FRMPD2: variants seen among roughly 807,000 people sequenced by gnomAD.
The protein encoded by FRMPD2 is FERM and PDZ domain-containing protein 2.
A neutral mutation model predicts 140.1 loss-of-function variants in FRMPD2; 96 were observed. That is an observed-to-expected ratio of 0.69 (90% CI 0.58 to 0.81). The LOEUF is 0.81. Ranked by LOEUF, FRMPD2 falls within the 40% of genes least tolerant of loss-of-function variation. The pLI is 0.00. For synonymous variants in FRMPD2, 449 were observed against 547.6 expected (o/e 0.82, Z 2.52); for missense variants, 1,240 against 1,447.4 (o/e 0.86, Z 2.32).
intron 9 of FRMPD2, among the ~76,000 whole-genome samples, chr10:48,236,028 T>C (rs549943830): frequency 4.6e-5 from 7 of 151,804 alleles, no homozygotes; most frequent in Non-Finnish European, 1.0e-4. Context: ...CCATGCTCCA[T>C]CCTCCTCCCT....
At chr10:48,222,236 C>G (rs1839612614) in intron 12 of FRMPD2, 77 bp downstream of exon 12, 1 of 1,469,914 alleles carries the variant, frequency 6.8e-7, no homozygotes, top group Non-Finnish European at 9.2e-7. Flanking sequence ...AGAGTCTCCA[C>G]ATTACTAACA....
intron 8 of FRMPD2, among the ~76,000 whole-genome samples, chr10:48,237,496 A>G (rs1352809814): frequency 6.6e-6 from 1 of 152,166 alleles, no homozygotes; most frequent in African/African-American, 2.4e-5. Context: ...AGCTCAGTCA[A>G]GGGACCTTAA....
chr10:48,272,678 G>C (rs1840790772), intron 1 of FRMPD2, among the ~76,000 whole-genome samples: 1 of 152,272 alleles, frequency 6.6e-6, no homozygotes, highest in African/African-American at 2.4e-5. Context: ...CATTCCCTAA[G>C]AAAACTAAGA....
intron 10 of FRMPD2, among the ~76,000 whole-genome samples, chr10:48,224,966 T>C (rs1448025977): frequency 6.6e-6 from 1 of 152,236 alleles, no homozygotes; most frequent in Non-Finnish European, 1.5e-5. Context: ...GAGAGATCTT[T>C]AGAAGGTCTG....
chr10:48,168,101 C>T (rs1347649493), intron 27 of FRMPD2, among the ~76,000 whole-genome samples: 15 of 146,038 alleles, frequency 1.0e-4, no homozygotes, highest in African/African-American at 4.2e-4. Context: ...TCTATCTGTT[C>T]TATTTCTCTG....
In FRMPD2 at chr10:48,185,428, A is replaced by G. The variant is rs1838658438; in HGVS notation, c.2359+125T>C. 2.2e-5 allele frequency: 15 copies of G among 687,346 alleles called. No individual in the cohort carries two copies. In the South Asian group the frequency reaches 2.5e-4, roughly 11 times the overall value. 42.6% of individuals were successfully genotyped at this position (687,346 alleles called of 1,614,324 possible). ...GAAAAAAAACAGAAGTGATTACCAG[A>G]AAAGGCAGACTGGGAGAGGAGGGAT... On this transcript the variant is annotated intron_variant, in intron 18 of 28. Transcript: ENST00000374201.
intron 16 of FRMPD2, among the ~76,000 whole-genome samples, chr10:48,190,808 T>A (rs1318131165): frequency 1.3e-5 from 2 of 152,306 alleles, no homozygotes; most frequent in Middle Eastern, 3.4e-3. Flanking sequence ...CATGCAACAC[T>A]GAAAAGCCCC....
At position 48,196,339 on chromosome 10, in the gene FRMPD2, ACAGGATTGGT is replaced by A. The variant is rs569525918; in HGVS notation, c.1955-3455_1955-3446del. ...CAAGTTTTCAGCATGGAAGAAAATGACAGGATTGGTCCTTTTGAAAGGTCACTCTGAAGGC... is the reference window on the plus strand; with the variant it reads ...CAAGTTTTCAGCATGGAAGAAAATGACCTTTTGAAAGGTCACTCTGAAGGC... On this transcript the variant is annotated intron_variant, in intron 15 of 28. Coordinates refer to ENST00000374201, the MANE Select transcript of FRMPD2 (RefSeq NM_001018071.4). 4.6e-3 allele frequency among the ~76,000 whole-genome samples: 701 copies of A among 152,332 alleles called. 3 individuals carry two copies. Among genetic ancestry groups the A allele is most frequent in the South Asian group, 8.1e-3 (39 of 4,824 alleles).
chr10:48,257,648 C>G (rs1225300016), intron 1 of FRMPD2, among the ~76,000 whole-genome samples: 2 of 152,128 alleles, frequency 1.3e-5, no homozygotes, highest in African/African-American at 4.8e-5. Context: ...TCAGCATTCT[C>G]TACCTGTTTG....
intron 10 of FRMPD2, 101 bp downstream of exon 10, chr10:48,232,014 A>T (rs994338155): frequency 4.7e-6 from 5 of 1,059,362 alleles, no homozygotes; most frequent in Non-Finnish European, 7.3e-6. Context: ...GAGGCACCCA[A>T]GTCTCAAACA....
chr10:48,268,782 A>C (rs1349062197), intron 1 of FRMPD2, among the ~76,000 whole-genome samples: 2 of 151,750 alleles, frequency 1.3e-5, no homozygotes, highest in African/African-American at 4.8e-5. Context: ...TGGTTACATA[A>C]ATCTACACAA....
intron 17 of FRMPD2, among the ~76,000 whole-genome samples, chr10:48,186,072 C>T (rs1377877241): frequency 2.0e-5 from 3 of 152,208 alleles, no homozygotes; most frequent in Non-Finnish European, 4.4e-5. Context: ...CATCCCAGGC[C>T]TCAAATAACC....
chr10:48,201,298 CAGTA>C lies in FRMPD2; in HGVS notation c.1880_1883del (p.Leu627TrpfsTer35). 2.5e-6 allele frequency: 4 copies of C among 1,613,958 alleles called. No individual in the cohort carries two copies. The highest frequency in any genetic ancestry group is 3.4e-6 in the Non-Finnish European group (4 of 1,179,856). On this transcript the variant is annotated frameshift_variant, in exon 15 of 29. Coordinates refer to ENST00000374201, the MANE Select transcript of FRMPD2 (RefSeq NM_001018071.4). LOFTEE classifies it high-confidence loss of function. ...ACCCATGCTGGGCTGAGCAGAGGTC[CAGTA>C]AGTATTTACTGGTCTTGGCTGAATC...
intron 6 of FRMPD2, 58 bp from the exon 7 acceptor site, chr10:48,239,750 A>G: frequency 7.7e-7 from 1 of 1,299,358 alleles, no homozygotes; most frequent in East Asian, 2.3e-5. Context: ...GCTTTCTTAA[A>G]TCAGGCATCT....
intron 27 of FRMPD2, 82 bp from the exon 28 acceptor site, chr10:48,163,753 G>A (rs1588797933): frequency 1.5e-6 from 1 of 679,376 alleles, no homozygotes. Flanking sequence ...TCCCCCATGT[G>A]ATTATAGATC....
chr10:48,188,437 A>G (rs1838743852), intron 16 of FRMPD2, among the ~76,000 whole-genome samples: 1 of 152,192 alleles, frequency 6.6e-6, no homozygotes, highest in Non-Finnish European at 1.5e-5. Flanking sequence ...GACTTGGCTC[A>G]TGTTTGTGCT....
intron 14 of FRMPD2, 52 bp downstream of exon 14, chr10:48,206,696 C>G: frequency 4.6e-6 from 7 of 1,516,894 alleles, no homozygotes; most frequent in Non-Finnish European, 6.4e-6. Flanking sequence ...AAACGGCCAA[C>G]AAATCAAAGG....
chr10:48,232,353 G>A (rs1564433513), intron 9 of FRMPD2, 64 bp from the exon 10 acceptor site: 1 of 1,235,242 alleles, frequency 8.1e-7, no homozygotes, highest in Non-Finnish European at 1.1e-6. Context: ...AGTGTGTGCT[G>A]GTTACTGTAC....
intron 10 of FRMPD2, among the ~76,000 whole-genome samples, chr10:48,230,309 C>G (rs1318449577): frequency 6.6e-6 from 1 of 152,116 alleles, no homozygotes; most frequent in East Asian, 1.9e-4. Flanking sequence ...ATAAAATATG[C>G]TCTCTTTATA....
Sources: allele counts gnomAD v4.1 joint callset (sites outside exome capture counted in the v4.1 genomes callset), GRCh38; gene constraint gnomAD v4.1.1; transcripts MANE v1.5; gene names NCBI Gene and HGNC (gene_info 2026-07-23, HGNC 2026-07-21).